The following MCTP1 variants were observed in gnomAD, a reference collection of about 807,000 sequenced individuals.
MCTP1 encodes multiple C2 and transmembrane domain containing 1, also known as multiple C2 and transmembrane domain-containing protein 1.
In MCTP1, 69 loss-of-function variants were observed where a neutral mutation model predicts 120.6. That is an observed-to-expected ratio of 0.57 (90% CI 0.47 to 0.70). The LOEUF (loss-of-function observed/expected upper bound fraction) is 0.70. MCTP1 is among the 30% of genes least tolerant of loss of function. The probability of loss-of-function intolerance (pLI) is 0.00; values close to 1 mark genes in which losing one functional copy is unlikely to be tolerated. For missense variants in MCTP1, 1,203 were observed against 1,248.8 expected (o/e 0.96, Z 0.55); for synonymous variants, 529 against 493.1 (o/e 1.07, Z -0.96).
At chr5:95,001,231 C>A (rs1217765720) in intron 2 of MCTP1, among the ~76,000 whole-genome samples, 1 of 152,114 alleles carries the variant, frequency 6.6e-6, no homozygotes, top group Non-Finnish European at 1.5e-5. Flanking sequence ...TACCCAGTGT[C>A]GGGTATTTCT....
chr5:94,907,125 G>C (rs1486341639), intron 10 of MCTP1, among the ~76,000 whole-genome samples: 1 of 152,104 alleles, frequency 6.6e-6, no homozygotes, highest in Non-Finnish European at 1.5e-5. Flanking sequence ...CTGATACTTA[G>C]GTATAATAAC....
intron 18 of MCTP1, among the ~76,000 whole-genome samples, chr5:94,780,771 G>A: frequency 6.6e-6 from 1 of 152,068 alleles, no homozygotes; most frequent in African/African-American, 2.4e-5. Context: ...TAGGTAATGT[G>A]GGAATACACA....
chr5:94,912,466 A>AAAAAAAAAAAAAACAAAAAG (rs1211529200), intron 9 of MCTP1, among the ~76,000 whole-genome samples: 1 of 92,038 alleles, frequency 1.1e-5, no homozygotes, highest in Admixed American at 1.2e-4. Flanking sequence ...AAAAAAAAAA[A>AAAAAAAAAAAAAACAAAAAG]GCCGCACTCT....
chr5:94,716,820 G>A (rs1759568256), intron 19 of MCTP1, among the ~76,000 whole-genome samples: 1 of 151,814 alleles, frequency 6.6e-6, no homozygotes, highest in Non-Finnish European at 1.5e-5. Context: ...TGTTTAGAGT[G>A]GAGAAAACGG....
rs140974572 is a variant in MCTP1, at chr5:94,841,999, C to A, written c.2436+26334G>T. On this transcript the variant is annotated intron_variant, in intron 17 of 22. Coordinates refer to ENST00000515393, the MANE Select transcript of MCTP1 (RefSeq NM_024717.7). ...TCAGTACATGAAAATAAACATGAAA[C>A]CCTTAGCACTCTCTGCACATTGAAA... 4.3e-3 allele frequency among the ~76,000 whole-genome samples: 656 copies of A among 152,284 alleles called. 18 individuals are homozygous for A. Among genetic ancestry groups the A allele is most frequent in the East Asian group, 1.7e-3 (9 of 5,192 alleles).
At chr5:95,152,059 T>G (rs1760943126) in intron 1 of MCTP1, among the ~76,000 whole-genome samples, 2 of 152,208 alleles carry the variant, frequency 1.3e-5, no homozygotes, top group Admixed American at 1.3e-4. Flanking sequence ...AAGTTTTGGA[T>G]TATGAGTGCA....
At chr5:94,779,190 T>C (rs1259099113) in intron 18 of MCTP1, 27 bp from the exon 19 acceptor site, 1 of 1,605,848 alleles carries the variant, frequency 6.2e-7, no homozygotes, top group African/African-American at 1.3e-5. Context: ...AAGTCGTTTT[T>C]TGTGCTCTTA....
rs533052748 is a variant in MCTP1 at position 95,066,061 on chromosome 5, G to C, written c.721-48577C>G. Among the ~76,000 whole-genome samples, 102 of 152,278 alleles carry C rather than the reference G, an allele frequency of 6.7e-4. No homozygotes were observed. In the South Asian group the frequency reaches 0.01, roughly 15 times the overall value. On this transcript the variant is annotated intron_variant, in intron 1 of 22. Transcript: ENST00000515393. ...GCACAACAATGCAAACATCAACAGA[G>C]TGAACAATCTACTGAACGGGAGAAA... is the stretch of plus-strand genomic sequence containing the variant.
intron 1 of MCTP1, among the ~76,000 whole-genome samples, chr5:95,177,938 G>A (rs1748196476): frequency 6.6e-6 from 1 of 152,042 alleles, no homozygotes; most frequent in Non-Finnish European, 1.5e-5. Flanking sequence ...GTGAGGTGGT[G>A]GGAAAGCAAA....
At chr5:94,722,149 T>C (rs1421690170) in intron 19 of MCTP1, among the ~76,000 whole-genome samples, 2 of 152,192 alleles carry the variant, frequency 1.3e-5, no homozygotes, top group Non-Finnish European at 2.9e-5. Context: ...AGTTTTGAGA[T>C]ATTTAAGAAA....
chr5:95,091,540 T>G (rs1305432388), intron 1 of MCTP1, among the ~76,000 whole-genome samples: 2 of 152,088 alleles, frequency 1.3e-5, no homozygotes, highest in Non-Finnish European at 2.9e-5. Flanking sequence ...AGTGGAACAG[T>G]CTCTCTTAAA....
chr5:94,759,911 A>AG (rs1212243712), intron 19 of MCTP1, among the ~76,000 whole-genome samples: 1 of 149,272 alleles, frequency 6.7e-6, no homozygotes, highest in Non-Finnish European at 1.5e-5. Flanking sequence ...GAGAAAAAAA[A>AG]AAAAAAAAAA....
chr5:95,240,793 T>C (rs1342147499), intron 1 of MCTP1, among the ~76,000 whole-genome samples: 3 of 152,156 alleles, frequency 2.0e-5, no homozygotes, highest in Non-Finnish European at 4.4e-5. Context: ...AACATTCCTC[T>C]ACCTTTAGAA....
intron 2 of MCTP1, among the ~76,000 whole-genome samples, chr5:94,978,729 G>A (rs1303753220): frequency 1.3e-5 from 2 of 152,112 alleles, no homozygotes; most frequent in Non-Finnish European, 2.9e-5. Context: ...TCCAGTCAAT[G>A]GGCATAAAGT....
chr5:95,027,248 C>T (rs182207313), intron 1 of MCTP1, among the ~76,000 whole-genome samples: 321 of 152,222 alleles, frequency 2.1e-3, no homozygotes, highest in African/African-American at 7.2e-3. Flanking sequence ...AATTTACAGC[C>T]GCAATGGAAA....
At chr5:94,952,296 C>A (rs159023) in intron 3 of MCTP1, among the ~76,000 whole-genome samples, 33,010 of 150,928 alleles carry the variant, frequency 0.22, 3,722 homozygotes, top group Non-Finnish European at 0.24. Context: ...TTAACTGTAT[C>A]CTTATGTATA....
intron 17 of MCTP1, among the ~76,000 whole-genome samples, chr5:94,851,142 G>A (rs1045988753): frequency 6.6e-6 from 1 of 151,988 alleles, no homozygotes; most frequent in Admixed American, 6.6e-5. Context: ...CTATAAAACA[G>A]CCCACATTTT....
chr5:94,727,010 A>G (rs933631193), intron 19 of MCTP1, among the ~76,000 whole-genome samples: 3 of 152,226 alleles, frequency 2.0e-5, no homozygotes, highest in Non-Finnish European at 4.4e-5. Context: ...TGTGAAGTCC[A>G]GAGGCTATTT....
intron 6 of MCTP1, among the ~76,000 whole-genome samples, chr5:94,930,270 T>A (rs1221309325): frequency 2.2e-5 from 2 of 92,062 alleles, no homozygotes; most frequent in Non-Finnish European, 4.8e-5. Flanking sequence ...AAGAAGAATT[T>A]TTTTTTTTTT....
Sources: allele counts gnomAD v4.1 joint callset (sites outside exome capture counted in the v4.1 genomes callset), GRCh38; gene constraint gnomAD v4.1.1; transcripts MANE v1.5; gene names NCBI Gene and HGNC (gene_info 2026-07-23, HGNC 2026-07-21).